The following YTHDF2 variants were observed in gnomAD, a reference collection of about 807,000 sequenced individuals.
YTHDF2 encodes YTH domain-containing family protein 2.
YTHDF2 carries 2 observed loss-of-function variants against 50.4 expected under a neutral mutation model. The ratio of observed to expected loss-of-function variants is 0.04; its 90% CI spans 0.02 to 0.12. YTHDF2 has a LOEUF of 0.12. Among genes scored for constraint, YTHDF2 ranks in the 10% least tolerant of loss-of-function variants. The probability of loss-of-function intolerance (pLI) is 1.00; values close to 1 mark genes in which losing one functional copy is unlikely to be tolerated. For missense variants in YTHDF2, 483 were observed against 722.6 expected (o/e 0.67, Z 3.80); for synonymous variants, 217 against 255.6 (o/e 0.85, Z 1.44).
intron 4 of YTHDF2, among the ~76,000 whole-genome samples, chr1:28,768,061 G>A (rs1380428199): frequency 6.6e-6 from 1 of 151,704 alleles, no homozygotes; most frequent in Admixed American, 6.6e-5. Flanking sequence ...AATTAGCCAG[G>A]CATGGTGGCG....
chr1:28,748,657 CAT>C (rs2087901560), intron 4 of YTHDF2, among the ~76,000 whole-genome samples: 1 of 152,206 alleles, frequency 6.6e-6, no homozygotes, highest in Non-Finnish European at 1.5e-5. Flanking sequence ...ATTTTAGTGA[CAT>C]GTTTGATAGA....
At chr1:28,737,972 C>T (rs1193388513) in intron 2 of YTHDF2, 2 of 573,582 alleles carry the variant, frequency 3.5e-6, no homozygotes, top group Non-Finnish European at 6.2e-6. Context: ...CCTCGTGGAT[C>T]ACTCTCTGGA....
chr1:28,752,267 A>G (rs1342672829), intron 4 of YTHDF2, among the ~76,000 whole-genome samples: 3 of 151,372 alleles, frequency 2.0e-5, no homozygotes, highest in Non-Finnish European at 2.9e-5. Flanking sequence ...CTGATAACAC[A>G]TTGGTAATCT....
intron 4 of YTHDF2, among the ~76,000 whole-genome samples, chr1:28,756,182 T>G (rs889321533): frequency 5.9e-5 from 9 of 152,194 alleles, no homozygotes; most frequent in African/African-American, 1.7e-4. Flanking sequence ...GTTTGCCTAG[T>G]ATGGGCTGTT....
intron 4 of YTHDF2, among the ~76,000 whole-genome samples, chr1:28,752,287 T>C (rs2087967480): frequency 9.0e-6 from 1 of 111,310 alleles, no homozygotes; most frequent in Non-Finnish European, 1.9e-5. Flanking sequence ...TGAAATCAGC[T>C]GTGGTGTTTT....
In YTHDF2 at chr1:28,768,114, C is replaced by A. The variant is rs2088246778; in HGVS notation, c.1717-815C>A. ...TACTCAGGAGGCTGAGGCAGAATGG[C>A]TTGAACCCGGGAGGCCGAGGTTGCA... On this transcript the variant is annotated intron_variant, in intron 4 of 4. Coordinates refer to ENST00000373812, the MANE Select transcript of YTHDF2 (RefSeq NM_016258.3). 2.0e-5 allele frequency among the ~76,000 whole-genome samples: 3 copies of A among 151,902 alleles called. No individual in the cohort carries two copies. The South Asian group carries it at 6.2e-4, about 32-fold the overall frequency.
rs1003939945 is a variant in YTHDF2 at position 28,737,516 on chromosome 1, G to A, written c.28-142G>A. 10 of 1,156,934 alleles carry A rather than the reference G, an allele frequency of 8.6e-6. No individual in the cohort carries two copies. The Admixed American group carries it at 2.7e-4, about 31-fold the overall frequency. The allele number at this position is 1,156,934 out of a possible 1,614,324, so 71.7% of individuals were successfully genotyped here. A position where few individuals can be genotyped will look rare whatever the true frequency, so the allele number is the denominator to read the frequency against. ...CGCTTTCCCCCGCCTCCCATTTTCAGCCTCTTCCTCACTACCATTCCTGAC... is the reference window on the plus strand; with the variant it reads ...CGCTTTCCCCCGCCTCCCATTTTCAACCTCTTCCTCACTACCATTCCTGAC... On this transcript the variant is annotated intron_variant, in intron 1 of 4. Transcript: ENST00000373812.
In YTHDF2 at chr1:28,743,130, C is replaced by G. The variant is rs1245313774; in HGVS notation, c.860C>G (p.Ala287Gly). ...TWDNKGPVAKAPSQALVQNIG... is the reference protein window; with the variant it reads ...TWDNKGPVAKGPSQALVQNIG... Reference sequence around the variant, plus strand: ...GATAACAAGGGTCCCGTTGCAAAAGCCCCCTCACAGGCTTTGGTTCAGAAT... The same window carrying G: ...GATAACAAGGGTCCCGTTGCAAAAGGCCCCTCACAGGCTTTGGTTCAGAAT... The change falls in exon 4 of 5, where the codon GCC becomes GGC. Residue 287 changes from alanine (A) to glycine (G), a missense_variant. Transcript: ENST00000373812. This position sits in a 1 kb window ranked among gnomAD's most constrained non-coding sequence, Gnocchi z 6.9. 2 of 1,614,162 alleles carry G rather than the reference C, an allele frequency of 1.2e-6. No individual in the cohort carries two copies. The highest frequency in any genetic ancestry group is 2.2e-5 in the South Asian group (2 of 91,076).
intron 4 of YTHDF2, among the ~76,000 whole-genome samples, chr1:28,751,114 T>C (rs952589661): frequency 2.3e-5 from 1 of 43,536 alleles, no homozygotes; most frequent in African/African-American, 1.6e-4. Flanking sequence ...AAAAAAAGGC[T>C]GGGCGTGGTG....
At chr1:28,765,192 G>A (rs908720225) in intron 4 of YTHDF2, among the ~76,000 whole-genome samples, 14 of 151,842 alleles carry the variant, frequency 9.2e-5, no homozygotes, top group African/African-American at 1.9e-4. Context: ...TTGTAGAGAC[G>A]GGGTTTTGCC....
At position 28,737,794 on chromosome 1, in the gene YTHDF2, G is replaced by C. The variant is rs2087717902; in HGVS notation, c.52+112G>C. 15 of 1,263,066 alleles carry C rather than the reference G, an allele frequency of 1.2e-5. No homozygotes were observed. In the South Asian group the frequency reaches 1.9e-4, roughly 16 times the overall value. 78.2% of individuals were successfully genotyped at this position (1,263,066 alleles called of 1,614,324 possible). ...GGACCTTTCGGAAGCCGCTTAGTTC[G>C]CAGGTGCCGCACACTTAAGTATTTT... On this transcript the variant is annotated intron_variant, in intron 2 of 4. Coordinates refer to ENST00000373812, the MANE Select transcript of YTHDF2 (RefSeq NM_016258.3).
chr1:28,745,834 G>GT (rs1014502718), intron 4 of YTHDF2, among the ~76,000 whole-genome samples: 5 of 150,608 alleles, frequency 3.3e-5, no homozygotes, highest in African/African-American at 1.2e-4. Flanking sequence ...GGGCCTAGGA[G>GT]TTTAAGACCA....
At chr1:28,744,231 A>G (rs139098665) in intron 4 of YTHDF2, among the ~76,000 whole-genome samples, 69 of 152,328 alleles carry the variant, frequency 4.5e-4, no homozygotes, top group Non-Finnish European at 7.9e-4. Context: ...CAAGGAAATC[A>G]GACAGAAACA....
At chr1:28,746,457 G>C (rs2087862206) in intron 4 of YTHDF2, among the ~76,000 whole-genome samples, 1 of 152,056 alleles carries the variant, frequency 6.6e-6, no homozygotes, top group African/African-American at 2.4e-5. Flanking sequence ...TGGAGTAGCA[G>C]GCTGGGCGCA....
At chr1:28,737,803 G>T (rs536090953) in intron 2 of YTHDF2, 121 bp downstream of exon 2, 3 of 1,158,074 alleles carry the variant, frequency 2.6e-6, no homozygotes, top group Non-Finnish European at 2.5e-6. Flanking sequence ...CGCAGGTGCC[G>T]CACACTTAAG....
intron 4 of YTHDF2, among the ~76,000 whole-genome samples, chr1:28,764,321 G>C (rs1056405972): frequency 6.6e-6 from 1 of 151,348 alleles, no homozygotes. Flanking sequence ...ACCCAGGCTG[G>C]AGTACAGTGG....
intron 4 of YTHDF2, among the ~76,000 whole-genome samples, chr1:28,745,204 G>A (rs1277865168): frequency 6.6e-6 from 1 of 152,174 alleles, no homozygotes; most frequent in African/African-American, 2.4e-5. Flanking sequence ...TTTAGCAGTG[G>A]AGGAAGGGCT....
At chr1:28,740,537 A>G (rs2087759760) in intron 3 of YTHDF2, 1 of 152,172 alleles carries the variant, frequency 6.6e-6, no homozygotes, top group African/African-American at 2.4e-5. Flanking sequence ...CCAATTTTTC[A>G]TTACCCTATT....
intron 3 of YTHDF2, among the ~76,000 whole-genome samples, 176 bp downstream of exon 3, chr1:28,738,514 G>A (rs1221958789): frequency 6.6e-6 from 1 of 151,832 alleles, no homozygotes; most frequent in African/African-American, 2.4e-5. Context: ...GCGCAATTTC[G>A]GCTCGCTCCA....
Sources: gnomAD v4.1 joint callset for allele counts (sites outside exome capture counted in the v4.1 genomes callset) on GRCh38, gnomAD v4.1.1 for gene constraint, Gnocchi (gnomAD v3.1) non-coding constraint, MANE v1.5 for transcripts, NCBI Gene and HGNC (gene_info 2026-07-23, HGNC 2026-07-21) for gene names.